LRRC24: variants seen among roughly 807,000 people sequenced by gnomAD.
LRRC24 encodes the protein leucine rich repeat containing 24, also known as leucine-rich repeat-containing protein 24.
LRRC24 carries 19 observed loss-of-function variants against 15.3 expected under a neutral mutation model. The observed-to-expected ratio is 1.25, with a 90% confidence interval of 0.87 to 1.83. The LOEUF is 1.83. Ranked by LOEUF, LRRC24 falls within the 40% of genes most tolerant of loss-of-function variation. The probability of loss-of-function intolerance (pLI) is 0.00; values close to 1 mark genes in which losing one functional copy is unlikely to be tolerated. For synonymous variants in LRRC24, 469 were observed against 359.6 expected (o/e 1.30, Z -3.44); for missense variants, 914 against 723.9 (o/e 1.26, Z -3.01).
rs772510133 is a variant in LRRC24 at position 144,522,606 on chromosome 8, A to G, written c.1411T>C (p.Phe471Leu). The G allele has an allele frequency of 1.3e-5, 20 of 1,570,638 alleles. No individual in the cohort carries two copies. Among genetic ancestry groups the G allele is most frequent in the Non-Finnish European group, 1.6e-5 (18 of 1,160,934 alleles). The change falls in exon 5 of 5, where the codon TTC (phenylalanine) becomes CTC (leucine). Residue 471 changes from phenylalanine to leucine, a missense_variant. By Grantham distance (22) the Phe-to-Leu change is conservative. Transcript: ENST00000529415. ...AGCGGCTTGGAGCGGTTGATGACGA[A>G]CATCTCGTGGCCGCGCTCGTCGCGG... The part of the protein sequence containing the change: ...ELRDERGHEM[F>L]VINRSKPLFA...
In LRRC24 at chr8:144,522,703, A is replaced by G. The variant is rs747237428; in HGVS notation, c.1314T>C (p.Pro438=). The change falls in exon 5 of 5, where the codon CCT becomes CCC. Residue 438 remains proline, a synonymous_variant. Transcript: ENST00000529415. ...RRRRRKKARG[P]PGEGALFVND... ...TGACGAACAGCGCTCCCTCCCCCGGAGGCCCCCGCGCCTTTTTTCGCCTGC... is the reference window on the plus strand; with the variant it reads ...TGACGAACAGCGCTCCCTCCCCCGGGGGCCCCCGCGCCTTTTTTCGCCTGC... The G allele has an allele frequency of 5.6e-6, 9 of 1,596,472 alleles. No homozygotes were observed. The African/African-American group carries it at 9.5e-5, about 17-fold the overall frequency.
Position 144,524,880 on chromosome 8 carries a change from G to C in LRRC24, c.95C>G (p.Ala32Gly), listed in dbSNP as rs1256969873. The C allele has an allele frequency of 8.6e-6, 13 of 1,513,196 alleles. No homozygotes were observed. The highest frequency in any genetic ancestry group is 1.1e-5 in the Non-Finnish European group (13 of 1,132,346). The allele number at this position is 1,513,196 out of a possible 1,614,324, so 93.7% of individuals were successfully genotyped here. A position where few individuals can be genotyped will look rare whatever the true frequency, so the allele number is the denominator to read the frequency against. The change falls in exon 2 of 5, where the codon GCC becomes GGC. Residue 32 changes from alanine (A) to glycine (G), a missense_variant. Physicochemically the swap from Ala to Gly is moderately conservative, Grantham distance 60. Transcript: ENST00000529415. ...CCGCAGGGCGCCACACTCCACCGTG[G>C]CGCTGTAGCAGCGGCAGGCTGCTGG... ...GCPAACRCYSATVECGALRLR... is the reference protein window; with the variant it reads ...GCPAACRCYSGTVECGALRLR...
In LRRC24 at chr8:144,524,597, G is replaced by A. The variant is rs1026468366; in HGVS notation, c.282C>T (p.Phe94=). 1 of 1,529,284 alleles carries A rather than the reference G, an allele frequency of 6.5e-7. No homozygotes were observed. The highest frequency in any genetic ancestry group is 8.7e-7 in the Non-Finnish European group (1 of 1,147,080). 94.7% of individuals were successfully genotyped at this position (1,529,284 alleles called of 1,614,324 possible). A position where few individuals can be genotyped will look rare whatever the true frequency, so the allele number is the denominator to read the frequency against. ...NSLRALEAGA[F]RAQPRLLELA... is the part of the protein sequence containing the mutation. ...GCTCCAGCAGGCGCGGCTGCGCGCG[G>A]AAGGCGCCGGCCTCCAGGGCGCGCA... The change falls in exon 3 of 5, where the codon TTC becomes TTT. Residue 94 remains phenylalanine, a synonymous_variant. Coordinates refer to ENST00000529415, the MANE Select transcript of LRRC24 (RefSeq NM_001024678.4).
Position 144,522,726 on chromosome 8 carries a change from T to A in LRRC24, c.1291A>T (p.Arg431Trp). ...LVAMICRRRRRRKKARGPPGE... is the reference protein window; with the variant it reads ...LVAMICRRRRWRKKARGPPGE... ...GGAGGCCCCCGCGCCTTTTTTCGCCTGCGGCGCCGGCGACAGATCATGGCG... is the reference window on the plus strand; with the variant it reads ...GGAGGCCCCCGCGCCTTTTTTCGCCAGCGGCGCCGGCGACAGATCATGGCG... Residue 431 changes from arginine (R) to tryptophan (W), a missense_variant, in exon 5 of 5, where the codon AGG becomes TGG. Transcript: ENST00000529415. The A allele has an allele frequency of 6.3e-7, 1 of 1,593,266 alleles. No individual in the cohort carries two copies. The highest frequency in any genetic ancestry group is 1.1e-5 in the South Asian group (1 of 88,404).
chr8:144,522,758 A>G lies in LRRC24; in HGVS notation c.1259T>C (p.Leu420Pro). 1 of 1,579,560 alleles carries G rather than the reference A, an allele frequency of 6.3e-7. No homozygotes were observed. The highest frequency in any genetic ancestry group is 1.4e-5 in the African/African-American group (1 of 72,824). The change falls in exon 5 of 5, where the codon CTC becomes CCC. Residue 420 changes from leucine (L) to proline (P), a missense_variant. Physicochemically the swap from Leu to Pro is moderately conservative, Grantham distance 98 (BLOSUM62 -3). Coordinates refer to ENST00000529415, the MANE Select transcript of LRRC24 (RefSeq NM_001024678.4). ...CCGGCGACAGATCATGGCGACCAGGAGCAGCGCCGTGAGCGCCAGCAGCGC... is the reference window on the plus strand; with the variant it reads ...CCGGCGACAGATCATGGCGACCAGGGGCAGCGCCGTGAGCGCCAGCAGCGC... ...AIALLALTALLLVAMICRRRR... is the reference protein window; with the variant it reads ...AIALLALTALPLVAMICRRRR...
At position 144,525,740 on chromosome 8, in the gene LRRC24, C is replaced by T. The variant is rs1244494714; in HGVS notation, c.-59-707G>A. On this transcript the variant is annotated intron_variant, in intron 1 of 4. Transcript: ENST00000529415. Reference sequence around the variant, plus strand: ...TCAGGAGCCATGGGTCTGTGCTTCCCATGCCGGTCCCCAGAAAGGTGTCCT... The same window carrying T: ...TCAGGAGCCATGGGTCTGTGCTTCCTATGCCGGTCCCCAGAAAGGTGTCCT... 3.9e-5 allele frequency: 6 copies of T among 152,124 alleles called. No individual in the cohort carries two copies. The South Asian group carries it at 1.0e-3, about 26-fold the overall frequency. The allele number at this position is 152,124 out of a possible 1,614,324, so 9.4% of individuals were successfully genotyped here.
rs1816237880 is a variant in LRRC24, at chr8:144,523,917, T to TC, written c.607+192dup. On this transcript the variant is annotated intron_variant, in intron 4 of 4. Transcript: ENST00000529415. ...CCTGTGGAGTTCCTGTCTTCTGTTT[T>TC]CCCCAGGCAGGGTGCCTGAGCTGTA... 1.2e-5 allele frequency: 8 copies of TC among 658,776 alleles called. No homozygotes were observed. The Admixed American group carries it at 2.1e-4, about 17-fold the overall frequency. 40.8% of individuals were successfully genotyped at this position (658,776 alleles called of 1,614,324 possible).
At chr8:144,524,358 G>A (rs1816265900) in intron 3 of LRRC24, 80 bp from the exon 4 acceptor site, 7 of 1,594,904 alleles carry the variant, frequency 4.4e-6, no homozygotes, top group South Asian at 1.1e-5. Context: ...AGCTAGACTG[G>A]GTTGCCTTTT....
Position 144,522,522 on chromosome 8 carries a change from G to A in LRRC24, c.1495C>T (p.Pro499Ser), listed in dbSNP as rs532519276. The A allele has an allele frequency of 1.6e-5, 24 of 1,513,670 alleles. No individual in the cohort carries two copies. Among genetic ancestry groups the A allele is most frequent in the South Asian group, 8.7e-5 (7 of 80,254 alleles). 93.8% of individuals were successfully genotyped at this position (1,513,670 alleles called of 1,614,324 possible). The change falls in exon 5 of 5, where the codon CCG (proline) becomes TCG (serine). Residue 499 changes from proline (P) to serine (S), a missense_variant. Physicochemically the swap from Pro to Ser is moderately conservative, Grantham distance 74. Transcript: ENST00000529415. ...ACCGGCGGGGGCACGCGGAGTCCCGGCCCCGCCCCCTGTTCCGGGCCGCAG... is the reference window on the plus strand; with the variant it reads ...ACCGGCGGGGGCACGCGGAGTCCCGACCCCGCCCCCTGTTCCGGGCCGCAG... ...ADCGPEQGAG[P>S]GLRVPPPVAY...
Position 144,522,514 on chromosome 8 carries a change from G to A in LRRC24, c.1503C>T (p.Leu501=). The A allele has an allele frequency of 6.7e-7, 1 of 1,503,222 alleles. No homozygotes were observed. The highest frequency in any genetic ancestry group is 1.3e-5 in the South Asian group (1 of 78,914). 93.1% of individuals were successfully genotyped at this position (1,503,222 alleles called of 1,614,324 possible). The part of the protein sequence containing the change: ...CGPEQGAGPG[L]RVPPPVAYEI... Reference sequence around the variant, plus strand: ...CGTAGGCGACCGGCGGGGGCACGCGGAGTCCCGGCCCCGCCCCCTGTTCCG... The same window carrying A: ...CGTAGGCGACCGGCGGGGGCACGCGAAGTCCCGGCCCCGCCCCCTGTTCCG... The change falls in exon 5 of 5, where the codon CTC becomes CTT. Residue 501 remains leucine, a synonymous_variant. Transcript: ENST00000529415.
Position 144,524,468 on chromosome 8 carries a change from C to T in LRRC24, c.411G>A (p.Leu137=). ...GCAGGTGCAAGAAGGTGAAATCCAG[C>T]AGCCGCGCCAGCTGGTTGCCCGCCA... ...LYLAGNQLAR[L]LDFTFLHLPR... Residue 137 remains leucine, a synonymous_variant, in exon 3 of 5, where the codon CTG becomes CTA. Coordinates refer to ENST00000529415, the MANE Select transcript of LRRC24 (RefSeq NM_001024678.4). 6.3e-7 allele frequency: 1 copy of T among 1,597,854 alleles called. No individual in the cohort carries two copies. Among genetic ancestry groups the T allele is most frequent in the Non-Finnish European group, 8.5e-7 (1 of 1,179,816 alleles).
rs762815068 is a variant in LRRC24 at position 144,522,996 on chromosome 8, C to T, written c.1021G>A (p.Gly341Ser). 3.8e-6 allele frequency: 6 copies of T among 1,595,600 alleles called. No individual in the cohort carries two copies. Among genetic ancestry groups the T allele is most frequent in the Non-Finnish European group, 3.4e-6 (4 of 1,174,980 alleles). Residue 341 changes from glycine (G) to serine (S), a missense_variant, in exon 5 of 5, where the codon GGT becomes AGT. Gly to Ser is a moderately conservative substitution (Grantham distance 56). Transcript: ENST00000529415. ...FLSNITLAHA[G>S]KYECEASNAG... is the part of the protein sequence containing the mutation. ...TTGGAGGCCTCGCACTCGTACTTAC[C>T]GGCGTGCGCCAGCGTGATGTTGCTG...
chr8:144,522,576 C>A lies in LRRC24; in HGVS notation c.1441G>T (p.Ala481Ser). 1 of 1,556,078 alleles carries A rather than the reference C, an allele frequency of 6.4e-7. No homozygotes were observed. Among genetic ancestry groups the A allele is most frequent in the Non-Finnish European group, 8.7e-7 (1 of 1,153,234 alleles). The change falls in exon 5 of 5, where the codon GCC (alanine) becomes TCC (serine). Residue 481 changes from alanine (A) to serine (S), a missense_variant. Physicochemically the swap from Ala to Ser is moderately conservative, Grantham distance 99 (BLOSUM62 1). Transcript: ENST00000529415. ...FVINRSKPLFAEGPAEAPADC... is the reference protein window; with the variant it reads ...FVINRSKPLFSEGPAEAPADC... Reference sequence around the variant, plus strand: ...GCGGGCGCCTCCGCCGGACCCTCGGCGAAGAGCGGCTTGGAGCGGTTGATG... The same window carrying A: ...GCGGGCGCCTCCGCCGGACCCTCGGAGAAGAGCGGCTTGGAGCGGTTGATG...
In LRRC24 at chr8:144,524,551, G is replaced by C; in HGVS notation, c.328C>G (p.Leu110Val). 6.3e-7 allele frequency: 1 copy of C among 1,579,304 alleles called. No homozygotes were observed. The highest frequency in any genetic ancestry group is 2.3e-5 in the East Asian group (1 of 44,100). The change falls in exon 3 of 5, where the codon CTG (leucine) becomes GTG (valine). Residue 110 changes from leucine to valine, a missense_variant. Physicochemically the swap from Leu to Val is conservative, Grantham distance 32. Coordinates refer to ENST00000529415, the MANE Select transcript of LRRC24 (RefSeq NM_001024678.4). ...LLELALTSNR[L>V]RGLRSGAFVG... ...AAGGCGCCGCTGCGCAAGCCGCGCA[G>C]CCGGTTGCTAGTGAGCGCCAGCTCC...
At chr8:144,525,959 T>A (rs1816345134) in intron 1 of LRRC24, 1 of 152,000 alleles carries the variant, frequency 6.6e-6, no homozygotes, top group African/African-American at 2.4e-5. Flanking sequence ...AAGGCTGGGG[T>A]CTGGTTTCAG....
At position 144,522,552 on chromosome 8, in the gene LRRC24, C is replaced by G; in HGVS notation, c.1465G>C (p.Ala489Pro). ...GCCCCCTGTTCCGGGCCGCAGTCAGCGGGCGCCTCCGCCGGACCCTCGGCG... is the reference window on the plus strand; with the variant it reads ...GCCCCCTGTTCCGGGCCGCAGTCAGGGGGCGCCTCCGCCGGACCCTCGGCG... Reference protein sequence around the residue: ...LFAEGPAEAPADCGPEQGAGP... With the variant: ...LFAEGPAEAPPDCGPEQGAGP... Residue 489 changes from alanine (A) to proline (P), a missense_variant, in exon 5 of 5, where the codon GCT becomes CCT. Physicochemically the swap from Ala to Pro is conservative, Grantham distance 27. Coordinates refer to ENST00000529415, the MANE Select transcript of LRRC24 (RefSeq NM_001024678.4). 1 of 1,533,798 alleles carries G rather than the reference C, an allele frequency of 6.5e-7. No individual in the cohort carries two copies. The highest frequency in any genetic ancestry group is 2.6e-5 in the East Asian group (1 of 38,128).
chr8:144,525,446 T>C (rs1816328528), intron 1 of LRRC24, among the ~76,000 whole-genome samples: 1 of 152,128 alleles, frequency 6.6e-6, no homozygotes, highest in Non-Finnish European at 1.5e-5. Flanking sequence ...GAACTTTGCT[T>C]AGGTGACAAA....
At position 144,522,763 on chromosome 8, in the gene LRRC24, C is replaced by CG; in HGVS notation, c.1253dup (p.Leu419AlafsTer72). 1 of 1,574,296 alleles carries CG rather than the reference C, an allele frequency of 6.4e-7. No homozygotes were observed. Among genetic ancestry groups the CG allele is most frequent in the Non-Finnish European group, 8.6e-7 (1 of 1,163,134 alleles). On this transcript the variant is annotated frameshift_variant, in exon 5 of 5. Coordinates refer to ENST00000529415, the MANE Select transcript of LRRC24 (RefSeq NM_001024678.4). LOFTEE classifies it low-confidence loss of function (END_TRUNC). Reference sequence around the variant, plus strand: ...GACAGATCATGGCGACCAGGAGCAGCGCCGTGAGCGCCAGCAGCGCGATGG... The same window carrying CG: ...GACAGATCATGGCGACCAGGAGCAGCGGCCGTGAGCGCCAGCAGCGCGATGG...
chr8:144,524,047 T>G, intron 4 of LRRC24, 63 bp downstream of exon 4: 18 of 1,551,250 alleles, frequency 1.2e-5, no homozygotes, highest in Non-Finnish European at 1.5e-5. Context: ...CCTCCACACA[T>G]GAGCCTGCTC....
Sources: gnomAD v4.1 joint callset for allele counts (sites outside exome capture counted in the v4.1 genomes callset) on GRCh38, gnomAD v4.1.1 for gene constraint, MANE v1.5 for transcripts, NCBI Gene and HGNC (gene_info 2026-07-23, HGNC 2026-07-21) for gene names.